Variants in GRXCR1 observed in about 807,000 individuals in gnomAD.
GRXCR1 encodes glutaredoxin and cysteine rich domain containing 1.
GRXCR1 carries 27 observed loss-of-function variants against 27.3 expected under a neutral mutation model. The ratio of observed to expected loss-of-function variants is 0.99; its 90% CI spans 0.73 to 1.37. The LOEUF (loss-of-function observed/expected upper bound fraction) is 1.37, where lower values mean the gene tolerates loss of function less well. Ranked by LOEUF, GRXCR1 falls within the 40% of genes most tolerant of loss-of-function variation. The pLI is 0.00. For missense variants in GRXCR1, 379 were observed against 354.4 expected (o/e 1.07, Z -0.56); for synonymous variants, 122 against 131.1 (o/e 0.93, Z 0.47).
At chr4:42,908,438 C>T (rs1049206763) in intron 1 of GRXCR1, among the ~76,000 whole-genome samples, 6 of 152,152 alleles carry the variant, frequency 3.9e-5, no homozygotes, top group South Asian at 2.1e-4. Flanking sequence ...TGTGACTTTT[C>T]GGTTGAAGCT....
chr4:43,010,156 C>T (rs1020303375), intron 2 of GRXCR1, among the ~76,000 whole-genome samples: 3 of 152,114 alleles, frequency 2.0e-5, no homozygotes, highest in African/African-American at 4.8e-5. Context: ...AATCCCAGCA[C>T]TTTGGGAGGC....
intron 1 of GRXCR1, among the ~76,000 whole-genome samples, chr4:42,932,690 A>G (rs1198206861): frequency 2.2e-5 from 3 of 137,986 alleles, no homozygotes; most frequent in African/African-American, 8.1e-5. Context: ...GCCCTGTGCT[A>G]TGCAGGGCTT....
chr4:42,914,779 A>G (rs182813543), intron 1 of GRXCR1, among the ~76,000 whole-genome samples: 5 of 152,258 alleles, frequency 3.3e-5, no homozygotes, highest in East Asian at 3.9e-4. Context: ...CAGCATATAT[A>G]ATAATCTCCA....
intron 2 of GRXCR1, among the ~76,000 whole-genome samples, chr4:42,990,153 C>A (rs1255775043): frequency 1.6e-4 from 15 of 93,206 alleles, no homozygotes; most frequent in African/African-American, 4.7e-4. Context: ...TGTGCAACTT[C>A]TTGAATTGAA....
intron 1 of GRXCR1, among the ~76,000 whole-genome samples, chr4:42,943,764 G>T (rs1226246184): frequency 6.6e-6 from 1 of 151,872 alleles, no homozygotes; most frequent in African/African-American, 2.4e-5. Flanking sequence ...TAGGTCAGTG[G>T]CTCTCAAGTG....
chr4:42,926,481 A>G (rs1430725912), intron 1 of GRXCR1, among the ~76,000 whole-genome samples: 2 of 148,710 alleles, frequency 1.3e-5, no homozygotes, highest in East Asian at 3.9e-4. Context: ...CCATTCACAG[A>G]TTTGGGAATA....
At chr4:42,987,222 T>TATATATTATATA (rs369022273) in intron 2 of GRXCR1, among the ~76,000 whole-genome samples, 14 of 100,574 alleles carry the variant, frequency 1.4e-4, no homozygotes, top group South Asian at 6.4e-4. Context: ...TATATATATA[T>TATATATTATATA]TATATATTAT....
chr4:42,969,500 T>A (rs1748331666), intron 2 of GRXCR1, among the ~76,000 whole-genome samples: 1 of 152,118 alleles, frequency 6.6e-6, no homozygotes, highest in Non-Finnish European at 1.5e-5. Context: ...GAACTTACAA[T>A]CATGGCAGAA....
intron 1 of GRXCR1, among the ~76,000 whole-genome samples, chr4:42,898,828 T>C (rs765403557): frequency 6.6e-6 from 1 of 152,090 alleles, no homozygotes; most frequent in Non-Finnish European, 1.5e-5. Context: ...AAGACTATCA[T>C]GTATTAATGG....
At chr4:42,947,724 T>G (rs1747781189) in intron 1 of GRXCR1, among the ~76,000 whole-genome samples, 1 of 152,152 alleles carries the variant, frequency 6.6e-6, no homozygotes, top group Non-Finnish European at 1.5e-5. Flanking sequence ...CAATTCCCAA[T>G]GTTTCCAGAA....
At chr4:42,896,111 C>T (rs1283494378) in intron 1 of GRXCR1, among the ~76,000 whole-genome samples, 1 of 151,986 alleles carries the variant, frequency 6.6e-6, no homozygotes, top group Non-Finnish European at 1.5e-5. Context: ...GAAAGAAAAC[C>T]CTAAATATAA....
At chr4:42,963,779 C>T (rs1715104972) in intron 2 of GRXCR1, among the ~76,000 whole-genome samples, 1 of 151,926 alleles carries the variant, frequency 6.6e-6, no homozygotes, top group African/African-American at 2.4e-5. Flanking sequence ...AAGAAGCCCA[C>T]AGACAGGGCT....
chr4:43,020,857 T>G (rs1466586321), intron 3 of GRXCR1, among the ~76,000 whole-genome samples: 1 of 152,222 alleles, frequency 6.6e-6, no homozygotes, highest in Non-Finnish European at 1.5e-5. Context: ...TGTATTCCTG[T>G]GCTTATACAT....
At chr4:42,895,942 T>A (rs539464715) in intron 1 of GRXCR1, among the ~76,000 whole-genome samples, 3 of 152,212 alleles carry the variant, frequency 2.0e-5, no homozygotes, top group Admixed American at 2.0e-4. Flanking sequence ...AATTTAGTAA[T>A]CTCCCTCAGG....
chr4:43,027,594 A>G (rs1036144891), intron 3 of GRXCR1, among the ~76,000 whole-genome samples: 4 of 152,198 alleles, frequency 2.6e-5, no homozygotes, highest in African/African-American at 9.7e-5. Flanking sequence ...CACATAGACA[A>G]GGAGCTCAGA....
intron 2 of GRXCR1, among the ~76,000 whole-genome samples, chr4:43,000,894 T>C (rs1200450806): frequency 6.6e-6 from 1 of 152,044 alleles, no homozygotes; most frequent in Non-Finnish European, 1.5e-5. Context: ...TATTTATAGC[T>C]ATAGGTGTTT....
At chr4:42,995,699 G>T (rs1413361748) in intron 2 of GRXCR1, among the ~76,000 whole-genome samples, 1 of 152,174 alleles carries the variant, frequency 6.6e-6, no homozygotes, top group East Asian at 1.9e-4. Flanking sequence ...CACTCTTTCG[G>T]TCAATAAAAT....
intron 2 of GRXCR1, among the ~76,000 whole-genome samples, chr4:42,996,955 C>CT (rs1477307318): frequency 6.6e-6 from 1 of 152,140 alleles, no homozygotes; most frequent in African/African-American, 2.4e-5. Context: ...ACCAACTACT[C>CT]TATGTTCTAC....
intron 1 of GRXCR1, among the ~76,000 whole-genome samples, chr4:42,895,095 A>C (rs1314095753): frequency 6.6e-6 from 1 of 152,112 alleles, no homozygotes; most frequent in Non-Finnish European, 1.5e-5. Flanking sequence ...TAAGCCTTTA[A>C]AACCTACAAG....
Sources: allele counts gnomAD v4.1 joint callset (sites outside exome capture counted in the v4.1 genomes callset), GRCh38; gene constraint gnomAD v4.1.1; transcripts MANE v1.5; gene names NCBI Gene and HGNC (gene_info 2026-07-23, HGNC 2026-07-21).